Variants in YLPM1 observed in about 807,000 individuals in gnomAD.
YLPM1 encodes YLP motif-containing protein 1.
A neutral mutation model predicts 230.0 loss-of-function variants in YLPM1; 99 were observed. That is an observed-to-expected ratio of 0.43 (90% confidence interval 0.37 to 0.51). The LOEUF is 0.51. YLPM1 is among the 20% of genes least tolerant of loss of function. The pLI, the probability that YLPM1 is intolerant of heterozygous loss-of-function variation, is 0.00. For missense variants in YLPM1, 2,592 were observed against 2,707.7 expected (o/e 0.96, Z 0.95); for synonymous variants, 984 against 942.5 (o/e 1.04, Z -0.81).
At chr14:74,769,077 T>C (rs1378812799) in intron 1 of YLPM1, among the ~76,000 whole-genome samples, 1 of 150,868 alleles carries the variant, frequency 6.6e-6, no homozygotes, top group African/African-American at 2.4e-5. Flanking sequence ...TTTTATTTTA[T>C]TTATTTTTAT....
chr14:74,820,176 T>G (rs2091509759), intron 16 of YLPM1, among the ~76,000 whole-genome samples: 1 of 152,212 alleles, frequency 6.6e-6, no homozygotes, highest in South Asian at 2.1e-4. Context: ...TGTTTTTCAT[T>G]TAGTAGTCTC....
At chr14:74,806,290 G>A (rs182426516) in intron 6 of YLPM1, among the ~76,000 whole-genome samples, 10 of 152,236 alleles carry the variant, frequency 6.6e-5, no homozygotes, top group Non-Finnish European at 1.3e-4. Context: ...CTGGGAGGCA[G>A]AGGTTGCAGT....
At chr14:74,766,240 T>A (rs1172405627) in intron 1 of YLPM1, among the ~76,000 whole-genome samples, 1 of 152,204 alleles carries the variant, frequency 6.6e-6, no homozygotes, top group East Asian at 1.9e-4. Context: ...GATATGTTGG[T>A]TTATTAGATG....
intron 1 of YLPM1, among the ~76,000 whole-genome samples, chr14:74,772,296 A>G (rs141120408): frequency 7.1e-4 from 106 of 149,590 alleles, no homozygotes; most frequent in African/African-American, 2.4e-3. Context: ...CTCAAGCGAT[A>G]TTCGTGCCTC....
At chr14:74,824,432 A>G (rs2091546889) in intron 18 of YLPM1, 125 bp downstream of exon 18, 2 of 827,618 alleles carry the variant, frequency 2.4e-6, no homozygotes, top group East Asian at 2.8e-5. Flanking sequence ...GGCCTACCTT[A>G]TATCCTCCAA....
intron 11 of YLPM1, among the ~76,000 whole-genome samples, chr14:74,815,009 A>T (rs757860289): frequency 5.3e-5 from 8 of 152,190 alleles, no homozygotes; most frequent in Non-Finnish European, 8.8e-5. Flanking sequence ...GTTGGCATAC[A>T]ATTGTTCATA....
intron 20 of YLPM1, 96 bp from the exon 21 acceptor site, chr14:74,835,679 A>G (rs374582535): frequency 3.0e-5 from 13 of 426,722 alleles, no homozygotes; most frequent in African/African-American, 8.1e-5. Context: ...CTTGAATTCT[A>G]TAGATTTGGG....
chr14:74,826,627 T>A (rs2091564895), intron 18 of YLPM1, among the ~76,000 whole-genome samples: 1 of 152,194 alleles, frequency 6.6e-6, no homozygotes, highest in African/African-American at 2.4e-5. Context: ...CTCATTAAGT[T>A]TAGTACACAG....
chr14:74,763,683 A>G lies in YLPM1; in HGVS notation c.194A>G (p.Gln65Arg). 1 of 1,572,958 alleles carries G rather than the reference A, an allele frequency of 6.4e-7. No homozygotes were observed. Among genetic ancestry groups the G allele is most frequent in the Non-Finnish European group, 8.7e-7 (1 of 1,155,888 alleles). Residue 65 changes from glutamine (Q) to arginine (R), a missense_variant, in exon 1 of 21, where the codon CAG (glutamine) becomes CGG (arginine). Physicochemically the swap from Gln to Arg is conservative, Grantham distance 43. Transcript: ENST00000325680. ...EQHLAQLQQL[Q>R]QMHQKQMQCV... Reference sequence around the variant, plus strand: ...CACTTGGCGCAGCTCCAGCAGCTGCAGCAGATGCACCAGAAGCAAATGCAG... The same window carrying G: ...CACTTGGCGCAGCTCCAGCAGCTGCGGCAGATGCACCAGAAGCAAATGCAG...
chr14:74,798,240 T>A lies in YLPM1; in HGVS notation c.2943T>A (p.Asp981Glu), dbSNP rs1342547250. The A allele has an allele frequency of 1.3e-5, 21 of 1,613,844 alleles. No individual in the cohort carries two copies. Among genetic ancestry groups the A allele is most frequent in the Non-Finnish European group, 1.8e-5 (21 of 1,179,888 alleles). Residue 981 changes from aspartate to glutamate, a missense_variant, in exon 5 of 21, where the codon GAT becomes GAA. Transcript: ENST00000325680. ...CATCATCATTAACAGCAGATAATGATTTTAAACCTGTGGGTATTGGTCTAC... is the reference window on the plus strand; with the variant it reads ...CATCATCATTAACAGCAGATAATGAATTTAAACCTGTGGGTATTGGTCTAC... ...VATSSLTADN[D>E]FKPVGIGLPH...
intron 4 of YLPM1, among the ~76,000 whole-genome samples, chr14:74,788,088 T>G (rs2091166788): frequency 6.6e-6 from 1 of 151,844 alleles, no homozygotes; most frequent in Admixed American, 6.6e-5. Flanking sequence ...ACAAACATCT[T>G]AAAAGATGAA....
chr14:74,831,118 G>A (rs886355855), intron 19 of YLPM1, among the ~76,000 whole-genome samples: 3 of 152,124 alleles, frequency 2.0e-5, no homozygotes, highest in Admixed American at 6.5e-5. Flanking sequence ...GAAAAAAATA[G>A]TATCTCATTT....
intron 16 of YLPM1, among the ~76,000 whole-genome samples, chr14:74,819,654 C>G (rs1306490732): frequency 2.0e-5 from 3 of 152,188 alleles, no homozygotes. Context: ...CTACCATTGT[C>G]TGGCAACTCT....
intron 19 of YLPM1, among the ~76,000 whole-genome samples, chr14:74,833,305 G>C (rs909851387): frequency 2.6e-5 from 4 of 152,116 alleles, no homozygotes; most frequent in Admixed American, 6.5e-5. Flanking sequence ...CTGGAGTACA[G>C]TGGTGTGATC....
intron 1 of YLPM1, among the ~76,000 whole-genome samples, chr14:74,774,488 C>G (rs972146401): frequency 6.6e-6 from 1 of 151,900 alleles, no homozygotes; most frequent in African/African-American, 2.4e-5. Context: ...TCACTGCAAC[C>G]TCCGCCTCCT....
intron 16 of YLPM1, among the ~76,000 whole-genome samples, chr14:74,819,699 C>T (rs1277555882): frequency 6.6e-6 from 1 of 152,186 alleles, no homozygotes; most frequent in Non-Finnish European, 1.5e-5. Flanking sequence ...GGACAGTTCT[C>T]ATTTCCTCTA....
intron 18 of YLPM1, among the ~76,000 whole-genome samples, chr14:74,828,184 C>CGTGG (rs2091580984): frequency 1.3e-5 from 2 of 152,146 alleles, no homozygotes; most frequent in Admixed American, 1.3e-4. Context: ...TTCTCTCCAA[C>CGTGG]GTGGTGTCTG....
chr14:74,814,371 A>G (rs372383764), intron 11 of YLPM1, among the ~76,000 whole-genome samples: 1 of 152,192 alleles, frequency 6.6e-6, no homozygotes, highest in African/African-American at 2.4e-5. Flanking sequence ...TAAAAAAAAG[A>G]AGAATGATAT....
Position 74,764,176 on chromosome 14 carries a change from G to A in YLPM1, c.687G>A (p.Gln229=), listed in dbSNP as rs1214262528. The A allele has an allele frequency of 6.2e-7, 1 of 1,613,200 alleles. No homozygotes were observed. Among genetic ancestry groups the A allele is most frequent in the South Asian group, 1.1e-5 (1 of 91,036 alleles). ...SHSQSYLPSS[Q]ASPSRPSQGH... is the part of the protein sequence containing the mutation. The stretch of plus-strand genomic sequence containing the variant: ...CCCAGTCCTACTTGCCCTCTTCTCA[G>A]GCATCTCCTTCCCGCCCCTCCCAGG... The change falls in exon 1 of 21, where the codon CAG becomes CAA. Residue 229 remains glutamine (Q), a synonymous_variant. Coordinates refer to ENST00000325680, the MANE Select transcript of YLPM1 (RefSeq NM_019589.3).
Sources: gnomAD v4.1 joint callset for allele counts (sites outside exome capture counted in the v4.1 genomes callset) on GRCh38, gnomAD v4.1.1 for gene constraint, MANE v1.5 for transcripts, NCBI Gene and HGNC (gene_info 2026-07-23, HGNC 2026-07-21) for gene names.